PSMA6: variants seen among roughly 807,000 people sequenced by gnomAD.
PSMA6 encodes proteasome subunit alpha type-6.
For missense variants in PSMA6, 170 were observed against 294.8 expected (o/e 0.58, Z 3.10); for synonymous variants, 88 against 97.7 (o/e 0.90, Z 0.59).
At chr14:35,307,877 C>A in intron 1 of PSMA6, 117 bp from the exon 2 acceptor site, 1 of 889,514 alleles carries the variant, frequency 1.1e-6, no homozygotes. Context: ...TCCTGGAATG[C>A]TATATGAGCA....
At chr14:35,313,082 A>G in intron 5 of PSMA6, 23 bp downstream of exon 5, 1 of 1,551,464 alleles carries the variant, frequency 6.4e-7, no homozygotes, top group Non-Finnish European at 8.6e-7. Flanking sequence ...AAAGGAGCTG[A>G]CTTTTTTTAT....
At chr14:35,291,224 T>C (rs934385257), upstream of PSMA6, among the ~76,000 whole-genome samples, 12 of 150,352 alleles carry the variant, frequency 8.0e-5, no homozygotes, top group Non-Finnish European at 1.5e-4. Flanking sequence ...TTCTTTCTTT[T>C]TTTTTTTTTT....
intron 6 of PSMA6, 186 bp downstream of exon 6, chr14:35,314,641 A>G (rs2052006793): frequency 1.6e-6 from 1 of 622,234 alleles, no homozygotes; most frequent in Non-Finnish European, 2.3e-6. Context: ...AGAGTCAGAT[A>G]TGAAAGCTTT....
intron 1 of PSMA6, chr14:35,293,169 GAATGAGTGACTC>G (rs1184121668): frequency 2.7e-6 from 1 of 365,112 alleles, no homozygotes; most frequent in Admixed American, 3.4e-5. Flanking sequence ...GAATCTGATA[GAATGAGTGACTC>G]AATTCTAGAG....
At chr14:35,303,680 C>T (rs2051763517) in intron 1 of PSMA6, among the ~76,000 whole-genome samples, 2 of 152,174 alleles carry the variant, frequency 1.3e-5, no homozygotes, top group African/African-American at 2.4e-5. Context: ...AATCAAGAAG[C>T]ACTTTGAAAG....
chr14:35,293,635 T>A (rs1194236357), intron 1 of PSMA6, among the ~76,000 whole-genome samples: 1 of 152,242 alleles, frequency 6.6e-6, no homozygotes, highest in East Asian at 1.9e-4. Context: ...TACTGCATAG[T>A]GTATATAATG....
upstream of PSMA6, among the ~76,000 whole-genome samples, chr14:35,290,254 T>A (rs1205610962): frequency 6.6e-6 from 1 of 152,174 alleles, no homozygotes; most frequent in African/African-American, 2.4e-5. Flanking sequence ...TTCATCCTCC[T>A]AGCAGCCTTA....
upstream of PSMA6, among the ~76,000 whole-genome samples, chr14:35,290,097 C>A (rs999016972): frequency 1.3e-5 from 2 of 151,928 alleles, no homozygotes; most frequent in Non-Finnish European, 2.9e-5. Flanking sequence ...CTCTTTCAAA[C>A]GTGGGGTTTT....
At chr14:35,306,262 T>G (rs1330440079) in intron 1 of PSMA6, among the ~76,000 whole-genome samples, 1 of 151,166 alleles carries the variant, frequency 6.6e-6, no homozygotes, top group Non-Finnish European at 1.5e-5. Flanking sequence ...ATTATTAAAT[T>G]TAAATATTGC....
At chr14:35,301,801 C>G (rs2051719129) in intron 1 of PSMA6, among the ~76,000 whole-genome samples, 1 of 152,116 alleles carries the variant, frequency 6.6e-6, no homozygotes, top group Non-Finnish European at 1.5e-5. Flanking sequence ...TCTTTTGTGG[C>G]TTTTACCTTT....
At chr14:35,314,631 A>T in intron 6 of PSMA6, 176 bp downstream of exon 6, 1 of 714,616 alleles carries the variant, frequency 1.4e-6, no homozygotes, top group East Asian at 3.8e-5. Context: ...ACTCTATTTA[A>T]GAGTCAGATA....
In PSMA6 at chr14:35,295,871, G is replaced by A. The variant is rs545088024; in HGVS notation, c.76+3319G>A. 3.3e-5 allele frequency among the ~76,000 whole-genome samples: 5 copies of A among 152,220 alleles called. No individual in the cohort carries two copies. The South Asian group carries it at 6.2e-4, about 19-fold the overall frequency. On this transcript the variant is annotated intron_variant, in intron 1 of 6. Coordinates refer to ENST00000261479, the MANE Select transcript of PSMA6 (RefSeq NM_002791.3). ...TTCAGGAATTGCCCAAGTTACTAGA[G>A]GGAGGAGGTGCATTGTAGGGGGAAT... is the stretch of plus-strand genomic sequence containing the variant.
chr14:35,312,040 T>A (rs1010474402), intron 4 of PSMA6, among the ~76,000 whole-genome samples: 1 of 152,052 alleles, frequency 6.6e-6, no homozygotes, highest in Non-Finnish European at 1.5e-5. Context: ...AATATGCTAT[T>A]ATTTATTATC....
chr14:35,312,248 T>C (rs1186199359), intron 4 of PSMA6, among the ~76,000 whole-genome samples: 3 of 149,910 alleles, frequency 2.0e-5, no homozygotes, highest in African/African-American at 7.4e-5. Context: ...GGCTCACGCC[T>C]GTAATCCCAG....
At chr14:35,310,469 A>G (rs1229892275) in intron 3 of PSMA6, among the ~76,000 whole-genome samples, 2 of 152,308 alleles carry the variant, frequency 1.3e-5, no homozygotes, top group East Asian at 3.9e-4. Flanking sequence ...TTTGGGAGTT[A>G]CTGGATACTT....
chr14:35,281,555 G>A (rs1205461736), intron 1 of PSMA6, among the ~76,000 whole-genome samples: 1 of 152,148 alleles, frequency 6.6e-6, no homozygotes. Flanking sequence ...AAGGGCCTCA[G>A]TGAGCTCCAC....
intron 1 of PSMA6, among the ~76,000 whole-genome samples, chr14:35,287,052 T>C (rs1246017269): frequency 6.6e-6 from 1 of 152,146 alleles, no homozygotes; most frequent in African/African-American, 2.4e-5. Context: ...GTAGAGAAAG[T>C]ACCCTTTTCT....
intron 1 of PSMA6, among the ~76,000 whole-genome samples, chr14:35,287,287 G>A (rs925848886): frequency 1.3e-5 from 2 of 152,152 alleles, no homozygotes; most frequent in African/African-American, 4.8e-5. Context: ...CCCTAGCTCT[G>A]TCCTTATTAC....
intron 6 of PSMA6, chr14:35,316,919 A>G (rs1180197704): frequency 1.4e-5 from 3 of 213,026 alleles, no homozygotes; most frequent in African/African-American, 4.7e-5. Flanking sequence ...AGAATACTTT[A>G]TAGTTTAGCT....
Sources: gnomAD v4.1 joint callset for allele counts (sites outside exome capture counted in the v4.1 genomes callset) on GRCh38, gnomAD v4.1.1 for gene constraint, MANE v1.5 for transcripts, NCBI Gene and HGNC (gene_info 2026-07-23, HGNC 2026-07-21) for gene names.